CNOT2: variants seen among roughly 807,000 people sequenced by gnomAD.
CNOT2 encodes the protein CCR4-NOT transcription complex subunit 2, also known as CC chemokine receptor 4-negative regulator of transcription 2.
Under a neutral mutation model 72.1 loss-of-function variants are expected in CNOT2, and 7 were observed. The ratio of observed to expected loss-of-function variants is 0.10; its 90% CI spans 0.06 to 0.18. CNOT2 has a LOEUF of 0.18. Among genes scored for constraint, CNOT2 ranks in the 10% least tolerant of loss-of-function variants. The pLI is 1.00. For synonymous variants in CNOT2, 196 were observed against 225.6 expected (o/e 0.87, Z 1.17); for missense variants, 345 against 660.3 (o/e 0.52, Z 5.23).
intron 8 of CNOT2, chr12:70,335,940 C>T (rs576937201): frequency 6.1e-6 from 1 of 162,798 alleles, no homozygotes; most frequent in East Asian, 1.8e-4. Context: ...TTAATAATGA[C>T]TGACTATACA....
intron 15 of CNOT2, among the ~76,000 whole-genome samples, chr12:70,352,295 G>A (rs1179682898): frequency 1.3e-5 from 2 of 151,938 alleles, no homozygotes; most frequent in Non-Finnish European, 2.9e-5. Flanking sequence ...ATTTTCTTCA[G>A]GTACAAAATG....
intron 3 of CNOT2, among the ~76,000 whole-genome samples, chr12:70,314,846 T>C (rs1877051065): frequency 6.6e-6 from 1 of 150,768 alleles, no homozygotes; most frequent in African/African-American, 2.5e-5. Flanking sequence ...TCTTGTTTGT[T>C]TGTTTGTTTG....
At chr12:70,347,443 T>A (rs1404367747) in intron 15 of CNOT2, among the ~76,000 whole-genome samples, 2 of 151,686 alleles carry the variant, frequency 1.3e-5, no homozygotes, top group Non-Finnish European at 2.9e-5. Flanking sequence ...CCATCCTGGG[T>A]AACAGAGAAA....
chr12:70,286,819 A>G (rs1870975313), intron 2 of CNOT2, among the ~76,000 whole-genome samples: 1 of 136,316 alleles, frequency 7.3e-6, no homozygotes, highest in African/African-American at 2.5e-5. Flanking sequence ...TTTGTGGAAG[A>G]ATCGATAAGT....
At chr12:70,299,444 A>T (rs1221639288) in intron 2 of CNOT2, among the ~76,000 whole-genome samples, 1 of 133,170 alleles carries the variant, frequency 7.5e-6, no homozygotes, top group African/African-American at 2.9e-5. Flanking sequence ...TCATTGTTCA[A>T]TTCCCACCTA....
chr12:70,248,836 C>T (rs928503469), intron 1 of CNOT2, among the ~76,000 whole-genome samples: 8 of 151,978 alleles, frequency 5.3e-5, no homozygotes, highest in African/African-American at 1.9e-4. Context: ...CTCAGGACAC[C>T]AGTCCTTTCT....
intron 2 of CNOT2, among the ~76,000 whole-genome samples, chr12:70,285,214 TTG>T (rs1435623449): frequency 3.3e-5 from 5 of 151,376 alleles, no homozygotes; most frequent in African/African-American, 1.2e-4. Flanking sequence ...GTTTTTGTTT[TTG>T]TTTTTTTTTT....
chr12:70,285,147 G>A (rs894302684), intron 2 of CNOT2, among the ~76,000 whole-genome samples: 9 of 152,006 alleles, frequency 5.9e-5, no homozygotes, highest in Non-Finnish European at 1.2e-4. Context: ...ACATTAATGC[G>A]GATATTTCTG....
At chr12:70,288,846 G>C (rs1871366513) in intron 2 of CNOT2, among the ~76,000 whole-genome samples, 1 of 152,104 alleles carries the variant, frequency 6.6e-6, no homozygotes. Flanking sequence ...TTTCTGCTTA[G>C]ACTTCTGTTA....
chr12:70,249,584 A>G (rs1174512602), intron 1 of CNOT2, among the ~76,000 whole-genome samples: 1 of 152,006 alleles, frequency 6.6e-6, no homozygotes, highest in South Asian at 2.1e-4. Flanking sequence ...ATAGATGTTA[A>G]TGGAAGACTT....
chr12:70,296,140 C>T (rs1355839847), intron 2 of CNOT2, among the ~76,000 whole-genome samples: 1 of 152,072 alleles, frequency 6.6e-6, no homozygotes, highest in Non-Finnish European at 1.5e-5. Flanking sequence ...TCCCCTCCCC[C>T]ACCAACACAC....
At chr12:70,275,363 G>A (rs1868598986) in intron 1 of CNOT2, among the ~76,000 whole-genome samples, 1 of 151,934 alleles carries the variant, frequency 6.6e-6, no homozygotes. Flanking sequence ...CTCTTTAGAG[G>A]TTGTTGAATT....
intron 2 of CNOT2, among the ~76,000 whole-genome samples, chr12:70,300,171 C>G (rs1565784810): frequency 2.0e-5 from 3 of 152,110 alleles, no homozygotes; most frequent in Non-Finnish European, 2.9e-5. Context: ...TCTGTAGAAG[C>G]CTGTTCACTC....
intron 3 of CNOT2, among the ~76,000 whole-genome samples, chr12:70,314,925 A>G (rs12316708): frequency 0.16 from 23,929 of 151,886 alleles, 2,145 homozygotes; most frequent in Admixed American, 0.28. Context: ...GTGTAATGGC[A>G]CGATCTTGGC....
At chr12:70,288,690 G>A (rs1871339560) in intron 2 of CNOT2, among the ~76,000 whole-genome samples, 1 of 152,148 alleles carries the variant, frequency 6.6e-6, no homozygotes, top group African/African-American at 2.4e-5. Flanking sequence ...AGTAAGTATT[G>A]TTGATTGGAT....
intron 1 of CNOT2, among the ~76,000 whole-genome samples, chr12:70,276,882 C>G (rs957114118): frequency 6.6e-6 from 1 of 151,920 alleles, no homozygotes; most frequent in African/African-American, 2.4e-5. Context: ...TGTGATGAAA[C>G]ATAAAAGAGG....
At chr12:70,279,926 C>T (rs960186865) in intron 2 of CNOT2, among the ~76,000 whole-genome samples, 1 of 152,102 alleles carries the variant, frequency 6.6e-6, no homozygotes, top group Non-Finnish European at 1.5e-5. Context: ...TTTGAGCATA[C>T]CTGGAAAATG....
chr12:70,329,385 A>T, intron 4 of CNOT2, 38 bp from the exon 5 acceptor site: 1 of 1,548,210 alleles, frequency 6.5e-7, no homozygotes, highest in Non-Finnish European at 8.9e-7. Context: ...TTCATTCCTG[A>T]TGGCAATGAA....
At position 70,286,214 on chromosome 12, in the gene CNOT2, T is replaced by G. The variant is rs982546324; in HGVS notation, c.48+7940T>G. Among the ~76,000 whole-genome samples the G allele has an allele frequency of 2.0e-5, 3 of 149,212 alleles. No individual in the cohort carries two copies. The Admixed American group carries it at 2.1e-4, about 10-fold the overall frequency. On this transcript the variant is annotated intron_variant, in intron 2 of 15. Transcript: ENST00000229195. The stretch of plus-strand genomic sequence containing the variant: ...TAAAACTTCAGGAAGATTACATTCC[T>G]AAGAGGTCTTCTAGGAATGTATTTG...
Sources: gnomAD v4.1 joint callset for allele counts (sites outside exome capture counted in the v4.1 genomes callset) on GRCh38, gnomAD v4.1.1 for gene constraint, MANE v1.5 for transcripts, NCBI Gene and HGNC (gene_info 2026-07-23, HGNC 2026-07-21) for gene names.